Variants in SLC5A10 observed in about 807,000 individuals in gnomAD.
SLC5A10 encodes solute carrier family 5 member 10, also known as sodium/mannose cotransporter SLC5A10.
Under a neutral mutation model 68.9 loss-of-function variants are expected in SLC5A10, and 55 were observed. That is an observed-to-expected ratio of 0.80 (90% confidence interval 0.64 to 1.00). The LOEUF (loss-of-function observed/expected upper bound fraction) is 1.00. Ranked by LOEUF, SLC5A10 falls within the 50% of genes least tolerant of loss-of-function variation. SLC5A10 has a pLI of 0.00. For synonymous variants in SLC5A10, 344 were observed against 344.8 expected, an observed-to-expected ratio of 1.00 and a Z score of 0.02; for missense variants, 732 against 819.3, an observed-to-expected ratio of 0.89 and a Z score of 1.30.
At position 18,971,710 on chromosome 17, in the gene SLC5A10, C is replaced by A; in HGVS notation, c.846+492C>A. The A allele has an allele frequency of 6.3e-7, 1 of 1,598,486 alleles. No individual in the cohort carries two copies. The highest frequency in any genetic ancestry group is 8.5e-7 in the Non-Finnish European group (1 of 1,170,226). On this transcript the variant is annotated intron_variant, in intron 8 of 14. Transcript: ENST00000395645. This position sits in a 1 kb window ranked among gnomAD's most constrained non-coding sequence, Gnocchi z 5.5. Reference sequence around the variant, plus strand: ...CTGGGAAGCCGTCTTTATCCCTAGTCCCTGAGGCAGGGACCCTGTGATGAT... The same window carrying A: ...CTGGGAAGCCGTCTTTATCCCTAGTACCTGAGGCAGGGACCCTGTGATGAT...
At chr17:18,984,528 T>C (rs2043219631) in intron 9 of SLC5A10, among the ~76,000 whole-genome samples, 1 of 152,174 alleles carries the variant, frequency 6.6e-6, no homozygotes, top group African/African-American at 2.4e-5. Context: ...ACCGTGTGCC[T>C]TCCCATGGCC....
In SLC5A10 at chr17:19,017,140, G is replaced by C; in HGVS notation, c.1241+1941G>C. The C allele has an allele frequency of 2.9e-6, 2 of 695,046 alleles. No homozygotes were observed. Among genetic ancestry groups the C allele is most frequent in the South Asian group, 3.8e-5 (2 of 53,098 alleles). The allele number at this position is 695,046 out of a possible 1,614,324, so 43.1% of individuals were successfully genotyped here. A position where few individuals can be genotyped will look rare whatever the true frequency, so the allele number is the denominator to read the frequency against. ...AAGCCTGGCAGTCGGCCTCCCTGAG[G>C]AGCAAGGCACAAGGCTGCGTGGTGC... On this transcript the variant is annotated intron_variant, in intron 11 of 14. Transcript: ENST00000395645. This position sits in a 1 kb window ranked among gnomAD's most constrained non-coding sequence, Gnocchi z 5.6.
chr17:18,979,041 A>C, intron 9 of SLC5A10: 1 of 636,878 alleles, frequency 1.6e-6, no homozygotes, highest in Non-Finnish European at 2.7e-6. Context: ...TGGTTGCACC[A>C]AGCCCATTCC....
At chr17:19,002,356 C>T (rs2043752431) in intron 9 of SLC5A10, among the ~76,000 whole-genome samples, 1 of 152,214 alleles carries the variant, frequency 6.6e-6, no homozygotes, top group Non-Finnish European at 1.5e-5. Context: ...ACTCCACCTT[C>T]CTGGAAACTG....
At position 19,021,819 on chromosome 17, in the gene SLC5A10, G is replaced by A; in HGVS notation, c.*1388G>A. 1.2e-6 allele frequency: 1 copy of A among 840,744 alleles called. No homozygotes were observed. Among genetic ancestry groups the A allele is most frequent in the Admixed American group, 4.2e-5 (1 of 23,958 alleles). The allele number at this position is 840,744 out of a possible 1,614,324, so 52.1% of individuals were successfully genotyped here. On this transcript the variant is annotated 3_prime_UTR_variant, in exon 15 of 15. Transcript: ENST00000395645. This position sits in a 1 kb window ranked among gnomAD's most constrained non-coding sequence, Gnocchi z 4.1. ...CATCCCAGTTTGTGCAGAGCGGCCG[G>A]AGGCAGTTAGGAGCCCACGTTCAGT...
chr17:18,982,502 G>A (rs1310563681), intron 9 of SLC5A10, among the ~76,000 whole-genome samples: 1 of 152,244 alleles, frequency 6.6e-6, no homozygotes, highest in Non-Finnish European at 1.5e-5. Flanking sequence ...TGGCCCAAGA[G>A]GGGTGCCCTG....
In SLC5A10 at chr17:19,020,177, C is replaced by T; in HGVS notation, c.1649C>T (p.Thr550Ile). The T allele has an allele frequency of 6.4e-7, 1 of 1,554,378 alleles. No individual in the cohort carries two copies. Among genetic ancestry groups the T allele is most frequent in the South Asian group, 1.1e-5 (1 of 90,214 alleles). Residue 550 changes from threonine to isoleucine, a missense_variant, in exon 14 of 15, where the codon ACC becomes ATC. Transcript: ENST00000395645. ...CAGATTGAGAACCTTACCTGGTGGA[C>T]CCTGGCTCAGGATGTGCCCTTGGGA... ...SVQIENLTWWTLAQDVPLGTK... is the reference protein window; with the variant it reads ...SVQIENLTWWILAQDVPLGTK...
In SLC5A10 at chr17:19,000,497, CA is replaced by C. The variant is rs570447333; in HGVS notation, c.983-12912del. Among the ~76,000 whole-genome samples, 8 of 152,272 alleles carry C rather than the reference CA, an allele frequency of 5.3e-5. No homozygotes were observed. Among genetic ancestry groups the C allele is most frequent in the African/African-American group, 1.7e-4 (7 of 41,552 alleles). ...TAGTTCCATTCTAGTCATTTGGGAA[CA>C]GGGGGGACTGACAGCAGTCCTGACA... On this transcript the variant is annotated intron_variant, in intron 9 of 14. Transcript: ENST00000395645. The surrounding 1 kb of genome is among the most constrained non-coding windows in gnomAD (Gnocchi z 5.2).
intron 5 of SLC5A10, among the ~76,000 whole-genome samples, chr17:18,965,728 G>T (rs756754877): frequency 3.3e-5 from 5 of 152,236 alleles, no homozygotes; most frequent in Admixed American, 6.5e-5. Flanking sequence ...CAAGCCCCCA[G>T]TGGTGGCTAC....
At chr17:19,001,970 CCCAGCAGGCTCT>C (rs1381995945) in intron 9 of SLC5A10, among the ~76,000 whole-genome samples, 1 of 152,164 alleles carries the variant, frequency 6.6e-6, no homozygotes, top group Non-Finnish European at 1.5e-5. Context: ...GTAATGGGAT[CCCAGCAGGCTCT>C]CTGTGGGGAC....
chr17:18,988,027 GTTTAT>G (rs1433868016), intron 9 of SLC5A10, among the ~76,000 whole-genome samples: 5 of 152,236 alleles, frequency 3.3e-5, no homozygotes, highest in African/African-American at 1.2e-4. Flanking sequence ...CCTAATCAGT[GTTTAT>G]TTTATCTCTG....
chr17:18,993,172 CCCCTCTCCCCGACGCTTCCTGAT>C (rs1287819006), intron 9 of SLC5A10, among the ~76,000 whole-genome samples: 3 of 152,132 alleles, frequency 2.0e-5, no homozygotes, highest in Non-Finnish European at 4.4e-5. Context: ...CGCATCCTGA[CCCCTCTCCCCGACGCTTCCTGAT>C]CCCTCTCCCC....
Position 19,019,423 on chromosome 17 carries a change from G to C in SLC5A10, c.1242G>C (p.Arg414=), listed in dbSNP as rs758366634. 1 of 1,609,226 alleles carries C rather than the reference G, an allele frequency of 6.2e-7. No individual in the cohort carries two copies. Among genetic ancestry groups the C allele is most frequent in the Non-Finnish European group, 8.5e-7 (1 of 1,179,314 alleles). The part of the protein sequence containing the change: ...SGERELLLVG[R]LVIVALIGVS... ...CTGCCTGCCTTCCACTCGCCTGCAG[G>C]CTGGTCATAGTGGCACTCATCGGCG... The change falls in exon 12 of 15, where the codon CGG becomes CGC. Residue 414 remains arginine (R), a splice_region_variant and synonymous_variant. Coordinates refer to ENST00000395645, the MANE Select transcript of SLC5A10 (RefSeq NM_001042450.4).
chr17:19,012,395 A>G (rs2044033374), intron 9 of SLC5A10, among the ~76,000 whole-genome samples: 1 of 152,252 alleles, frequency 6.6e-6, no homozygotes, highest in South Asian at 2.1e-4. Flanking sequence ...GAGTCCTTTC[A>G]TTCAACAGAT....
chr17:18,990,397 GC>G (rs2043385902), intron 9 of SLC5A10, among the ~76,000 whole-genome samples: 1 of 152,202 alleles, frequency 6.6e-6, no homozygotes, highest in African/African-American at 2.4e-5. Context: ...AGCCTCTCCA[GC>G]CCCAGAATCT....
intron 9 of SLC5A10, among the ~76,000 whole-genome samples, chr17:19,010,127 C>T (rs542347038): frequency 2.0e-5 from 3 of 152,072 alleles, no homozygotes; most frequent in South Asian, 2.1e-4. Flanking sequence ...AGGCACGGAG[C>T]GGGTTTGAGC....
rs1339628722 is a variant in SLC5A10 at position 19,018,339 on chromosome 17, C to T, written c.1242-1084C>T. 2.6e-5 allele frequency: 4 copies of T among 152,396 alleles called. No individual in the cohort carries two copies. The East Asian group carries it at 5.8e-4, about 22-fold the overall frequency. The allele number at this position is 152,396 out of a possible 1,614,324, so 9.4% of individuals were successfully genotyped here. A position where few individuals can be genotyped will look rare whatever the true frequency, so the allele number is the denominator to read the frequency against. ...GGAGGAGCGGATGGATGCCATGCCC[C>T]AGCTTCATCCCCTTAGCTGGGTCCC... On this transcript the variant is annotated intron_variant, in intron 11 of 14. Coordinates refer to ENST00000395645, the MANE Select transcript of SLC5A10 (RefSeq NM_001042450.4). This position sits in a 1 kb window ranked among gnomAD's most constrained non-coding sequence, Gnocchi z 4.2.
At position 18,971,185 on chromosome 17, in the gene SLC5A10, C is replaced by T; in HGVS notation, c.813C>T (p.Thr271=). Reference sequence around the variant, plus strand: ...GGACCGGGATGACCTTTGGCCTGACCATCATGGCCACCTGGTACTGGTGCA... The same window carrying T: ...GGACCGGGATGACCTTTGGCCTGACTATCATGGCCACCTGGTACTGGTGCA... ...LPWTGMTFGL[T]IMATWYWCTD... The change falls in exon 8 of 15, where the codon ACC becomes ACT. Residue 271 remains threonine, a synonymous_variant. Transcript: ENST00000395645. The surrounding 1 kb of genome is among the most constrained non-coding windows in gnomAD (Gnocchi z 5.5). 1 of 1,614,054 alleles carries T rather than the reference C, an allele frequency of 6.2e-7. No individual in the cohort carries two copies. Among genetic ancestry groups the T allele is most frequent in the Non-Finnish European group, 8.5e-7 (1 of 1,180,046 alleles).
Position 18,996,946 on chromosome 17 carries a change from C to A in SLC5A10, c.983-16464C>A, listed in dbSNP as rs140476562. 6.6e-6 allele frequency among the ~76,000 whole-genome samples: 1 copy of A among 152,202 alleles called. No homozygotes were observed. The highest frequency in any genetic ancestry group is 6.5e-5 in the Admixed American group (1 of 15,290). On this transcript the variant is annotated intron_variant, in intron 9 of 14. Transcript: ENST00000395645. This position sits in a 1 kb window ranked among gnomAD's most constrained non-coding sequence, Gnocchi z 4.4. Reference sequence around the variant, plus strand: ...CATGCCTTCCCTGGGTGGCCCATGGCGGGTCACTTCCCACTCTAAGCCTCA... The same window carrying A: ...CATGCCTTCCCTGGGTGGCCCATGGAGGGTCACTTCCCACTCTAAGCCTCA...
Sources: allele counts gnomAD v4.1 joint callset (sites outside exome capture counted in the v4.1 genomes callset), GRCh38; gene constraint gnomAD v4.1.1; non-coding constraint Gnocchi (gnomAD v3.1); transcripts MANE v1.5; gene names NCBI Gene and HGNC (gene_info 2026-07-23, HGNC 2026-07-21).